Variants in DPP9 observed in about 807,000 individuals in gnomAD.
DPP9 encodes the protein dipeptidyl peptidase IV-related protein-2.
In DPP9, 50 loss-of-function variants were observed where a neutral mutation model predicts 110.7. The ratio of observed to expected loss-of-function variants is 0.45; its 90% CI spans 0.36 to 0.57. The LOEUF (loss-of-function observed/expected upper bound fraction) is 0.57, where lower values mean the gene tolerates loss of function less well. DPP9 is among the 20% of genes least tolerant of loss of function. The pLI is 0.00. For missense variants in DPP9, 1,022 were observed against 1,217.9 expected (o/e 0.84, Z 2.39); for synonymous variants, 561 against 514.4 (o/e 1.09, Z -1.23).
chr19:4,714,452 C>CT, intron 3 of DPP9, 115 bp from the exon 4 acceptor site: 5 of 1,344,332 alleles, frequency 3.7e-6, no homozygotes, highest in Non-Finnish European at 3.9e-6. Flanking sequence ...ACCCCTGCCG[C>CT]TTTCCCCACT....
In DPP9 at chr19:4,704,764, G is replaced by A. The variant is rs1008978989; in HGVS notation, c.427-460C>T. On this transcript the variant is annotated intron_variant, in intron 5 of 21. Transcript: ENST00000262960. This position sits in a 1 kb window ranked among gnomAD's most constrained non-coding sequence, Gnocchi z 6.0. Reference sequence around the variant, plus strand: ...TTTCGTAATCCCAGCACTTTGGGAGGCCGAGGTGGGCAGATCACGAGGTCA... The same window carrying A: ...TTTCGTAATCCCAGCACTTTGGGAGACCGAGGTGGGCAGATCACGAGGTCA... Among the ~76,000 whole-genome samples the A allele has an allele frequency of 6.6e-6, 1 of 152,210 alleles. No individual in the cohort carries two copies. The highest frequency in any genetic ancestry group is 1.5e-5 in the Non-Finnish European group (1 of 68,034).
In DPP9 at chr19:4,679,872, G is replaced by T. The variant is rs1458429525; in HGVS notation, c.2549C>A (p.Ser850Tyr). 1 of 1,613,440 alleles carries T rather than the reference G, an allele frequency of 6.2e-7. No homozygotes were observed. Residue 850 changes from serine (S) to tyrosine (Y), a missense_variant, in exon 21 of 22, where the codon TCC becomes TAC. Around this residue, in one of 3 missense-constraint regions of DPP9, gnomAD observed 209 missense variants for 280.4 expected, o/e 0.75. Coordinates refer to ENST00000262960, the MANE Select transcript of DPP9 (RefSeq NM_139159.5). ...VHFFHTNFLV[S>Y]QLIRAGKPYQ... ...AGGTTTCCCTGCTCGGATCAGTTGG[G>T]AGACGAGGAAGTTTGTGTGGAAAAA... is the stretch of plus-strand genomic sequence containing the variant.
rs2092487437 is a variant in DPP9, at chr19:4,704,736, C to A, written c.427-432G>T. On this transcript the variant is annotated intron_variant, in intron 5 of 21. Coordinates refer to ENST00000262960, the MANE Select transcript of DPP9 (RefSeq NM_139159.5). This position sits in a 1 kb window ranked among gnomAD's most constrained non-coding sequence, Gnocchi z 6.0. ...ACAATCCCTTCCCATCAAGAGCTTT[C>A]AATTTCGTAATCCCAGCACTTTGGG... 6.6e-6 allele frequency among the ~76,000 whole-genome samples: 1 copy of A among 152,240 alleles called. No homozygotes were observed. Among genetic ancestry groups the A allele is most frequent in the African/African-American group, 2.4e-5 (1 of 41,466 alleles).
intron 2 of DPP9, 128 bp downstream of exon 2, chr19:4,722,371 T>C: frequency 1.7e-6 from 1 of 603,128 alleles, no homozygotes; most frequent in Middle Eastern, 4.3e-4. Flanking sequence ...GCCACTGCCC[T>C]GCGGAGGACA....
chr19:4,704,827 C>T lies in DPP9; in HGVS notation c.427-523G>A, dbSNP rs1479786299. Among the ~76,000 whole-genome samples, 4 of 152,130 alleles carry T rather than the reference C, an allele frequency of 2.6e-5. No individual in the cohort carries two copies. Among genetic ancestry groups the T allele is most frequent in the Non-Finnish European group, 2.9e-5 (2 of 68,026 alleles). ...CAGCCTGGCCAATATGGTGAAACCC[C>T]GTCTCTACTAAAAATACAAAAATTA... On this transcript the variant is annotated intron_variant, in intron 5 of 21. Coordinates refer to ENST00000262960, the MANE Select transcript of DPP9 (RefSeq NM_139159.5). This position sits in a 1 kb window ranked among gnomAD's most constrained non-coding sequence, Gnocchi z 6.0.
At chr19:4,702,280 C>T (rs1282262298) in intron 8 of DPP9, 125 bp from the exon 9 acceptor site, 20 of 1,296,300 alleles carry the variant, frequency 1.5e-5, no homozygotes, top group Non-Finnish European at 2.1e-5. Context: ...ACCAGAACCC[C>T]GGCTCTGCCA....
Position 4,682,263 on chromosome 19 carries a change from C to A in DPP9, c.2474+433G>T, listed in dbSNP as rs73539524. Among the ~76,000 whole-genome samples the A allele has an allele frequency of 3.9e-3, 588 of 152,290 alleles. 6 individuals carry two copies. Among genetic ancestry groups the A allele is most frequent in the African/African-American group, 0.013 (556 of 41,558 alleles). On this transcript the variant is annotated intron_variant, in intron 20 of 21. Transcript: ENST00000262960. This position sits in a 1 kb window ranked among gnomAD's most constrained non-coding sequence, Gnocchi z 7.1. ...TTTCTCTCCATCAGAGAATAAGACC[C>A]ATGTCAAAAGCATAAAATGGGACAT...
At position 4,683,357 on chromosome 19, in the gene DPP9, C is replaced by T. The variant is rs757164694; in HGVS notation, c.2331+120G>A. On this transcript the variant is annotated intron_variant, in intron 19 of 21. Transcript: ENST00000262960. ...GAGAAACAGCCACGTGGCAAGGCCC[C>T]TGCCGAGGCGCCTCCCCGGTAGGTG... 5 of 1,508,696 alleles carry T rather than the reference C, an allele frequency of 3.3e-6. 1 individual carries two copies. In the South Asian group the frequency reaches 6.4e-5, roughly 19 times the overall value. 93.5% of individuals were successfully genotyped at this position (1,508,696 alleles called of 1,614,324 possible).
In DPP9 at chr19:4,676,434, G is replaced by A. The variant is rs190003658; in HGVS notation, c.*130C>T. ...GGGGCGGTGAAGGCAGCGGCTCCTC[G>A]GGGCTGGCCAGCGCTGGGCGGGACA... On this transcript the variant is annotated 3_prime_UTR_variant, in exon 22 of 22. Transcript: ENST00000262960. The surrounding 1 kb of genome is among the most constrained non-coding windows in gnomAD (Gnocchi z 4.0). 1.2e-3 allele frequency: 923 copies of A among 765,390 alleles called. 9 individuals carry two copies. The African/African-American group carries it at 0.014, about 11-fold the overall frequency. 47.4% of individuals were successfully genotyped at this position (765,390 alleles called of 1,614,324 possible).
chr19:4,678,828 G>T (rs1463461554), intron 21 of DPP9, among the ~76,000 whole-genome samples: 1 of 152,006 alleles, frequency 6.6e-6, no homozygotes, highest in African/African-American at 2.4e-5. Flanking sequence ...TGGCCCTCTT[G>T]CCTCCAAGAT....
chr19:4,688,459 CAG>C, intron 16 of DPP9: 1 of 346,862 alleles, frequency 2.9e-6, no homozygotes, highest in Non-Finnish European at 5.2e-6. Flanking sequence ...CTCCCAGTGA[CAG>C]GGTCTGTGTC....
Position 4,690,971 on chromosome 19 carries a change from A to G in DPP9, c.1517-14T>C. On this transcript the variant is annotated splice_polypyrimidine_tract_variant and intron_variant, in intron 13 of 21. Coordinates refer to ENST00000262960, the MANE Select transcript of DPP9 (RefSeq NM_139159.5). ...ACTTAAATTCATCTGGAAAGAAAGA[A>G]AGAAGGGAGGTGAAGGGGCCTGGGA... The G allele has an allele frequency of 8.1e-6, 13 of 1,607,370 alleles. No homozygotes were observed. Among genetic ancestry groups the G allele is most frequent in the Non-Finnish European group, 1.1e-5 (13 of 1,176,520 alleles).
intron 2 of DPP9, among the ~76,000 whole-genome samples, chr19:4,720,328 C>T (rs1337140832): frequency 1.3e-5 from 2 of 152,202 alleles, no homozygotes; most frequent in Non-Finnish European, 2.9e-5. Flanking sequence ...CCATGACCTT[C>T]GGCCACACTT....
intron 2 of DPP9, chr19:4,722,128 A>G (rs947910632): frequency 1.7e-5 from 4 of 239,432 alleles, no homozygotes; most frequent in Non-Finnish European, 3.2e-5. Flanking sequence ...AAGATACTCA[A>G]AACCACAGGA....
Position 4,712,126 on chromosome 19 carries a change from A to C in DPP9, c.313+1955T>G, listed in dbSNP as rs1173168845. On this transcript the variant is annotated intron_variant, in intron 4 of 21. Coordinates refer to ENST00000262960, the MANE Select transcript of DPP9 (RefSeq NM_139159.5). ...AGACTGTGGGCGCCACAGGATAAAA[A>C]AGAGGCAACGGCCCATGGCAGCCGT... Among the ~76,000 whole-genome samples the C allele has an allele frequency of 2.0e-5, 3 of 152,236 alleles. No homozygotes were observed. The East Asian group carries it at 5.8e-4, about 29-fold the overall frequency.
rs2145692054 is a variant in DPP9, at chr19:4,700,555, A to C, written c.1013-278T>G. Among the ~76,000 whole-genome samples, 1 of 152,278 alleles carries C rather than the reference A, an allele frequency of 6.6e-6. No individual in the cohort carries two copies. The highest frequency in any genetic ancestry group is 1.9e-4 in the East Asian group (1 of 5,178). ...GCTTTCTCATTTAAAAACACGGGCC[A>C]CACCCTGTGCTGAGAGCTGGGGCTT... On this transcript the variant is annotated intron_variant, in intron 9 of 21. Transcript: ENST00000262960. This position sits in a 1 kb window ranked among gnomAD's most constrained non-coding sequence, Gnocchi z 4.3.
At chr19:4,678,999 T>A (rs1053144369) in intron 21 of DPP9, among the ~76,000 whole-genome samples, 26 of 151,522 alleles carry the variant, frequency 1.7e-4, no homozygotes, top group Non-Finnish European at 3.2e-4. Context: ...CAGTTGAAAA[T>A]CCAGCCGAAG....
chr19:4,718,127 C>T lies in DPP9; in HGVS notation c.56+1724G>A, dbSNP rs1183907240. ...AAGAGATGGGGTCTTGCTATATTGC[C>T]CAGGCTGGTCTCAAACTCCTGGGCT... On this transcript the variant is annotated intron_variant, in intron 3 of 21. Coordinates refer to ENST00000262960, the MANE Select transcript of DPP9 (RefSeq NM_139159.5). This position sits in a 1 kb window ranked among gnomAD's most constrained non-coding sequence, Gnocchi z 4.3. 6.6e-6 allele frequency among the ~76,000 whole-genome samples: 1 copy of T among 152,036 alleles called. No individual in the cohort carries two copies. The highest frequency in any genetic ancestry group is 2.4e-5 in the African/African-American group (1 of 41,384).
At chr19:4,708,465 T>C (rs2092689006) in intron 4 of DPP9, among the ~76,000 whole-genome samples, 1 of 152,234 alleles carries the variant, frequency 6.6e-6, no homozygotes. Flanking sequence ...TTGGGGTGAC[T>C]GTAGCTGTGG....
Sources: allele counts gnomAD v4.1 joint callset (sites outside exome capture counted in the v4.1 genomes callset), GRCh38; gene constraint gnomAD v4.1.1; regional missense constraint gnomAD v4.1.1; non-coding constraint Gnocchi (gnomAD v3.1); transcripts MANE v1.5; gene names NCBI Gene and HGNC (gene_info 2026-07-23, HGNC 2026-07-21).